Variants in CSNK1G1 observed in about 807,000 individuals in gnomAD.
CSNK1G1 encodes the protein casein kinase I isoform gamma-1.
CSNK1G1 carries 22 observed loss-of-function variants against 59.6 expected under a neutral mutation model. The observed-to-expected ratio is 0.37, with a 90% CI of 0.26 to 0.53. The LOEUF (loss-of-function observed/expected upper bound fraction) is 0.53, where lower values mean the gene tolerates loss of function less well. CSNK1G1 is among the 20% of genes least tolerant of loss of function. The probability of loss-of-function intolerance (pLI) is 0.89; values close to 1 mark genes in which losing one functional copy is unlikely to be tolerated. For synonymous variants in CSNK1G1, 179 were observed against 177.1 expected (o/e 1.01, Z -0.08); for missense variants, 384 against 519.5 (o/e 0.74, Z 2.54).
chr15:64,180,287 GAAGAGACAGAA>G, intron 11 of CSNK1G1, 50 bp downstream of exon 11: 1 of 1,185,910 alleles, frequency 8.4e-7, no homozygotes, highest in Non-Finnish European at 1.3e-6. Flanking sequence ...ACACAGAGAG[GAAGAGACAGAA>G]AAGATTTTTC....
At position 64,325,566 on chromosome 15, in the gene CSNK1G1, T is replaced by C. The variant is rs181995829; in HGVS notation, c.-224-24843A>G. On this transcript the variant is annotated intron_variant, in intron 1 of 11. Transcript: ENST00000303052. ...CAAATTTACTCAAATAGCAGAGAAGTAGATTCACAACTACTTTAAATAAAG... is the reference window on the plus strand; with the variant it reads ...CAAATTTACTCAAATAGCAGAGAAGCAGATTCACAACTACTTTAAATAAAG... Among the ~76,000 whole-genome samples, 300 of 152,304 alleles carry C rather than the reference T, an allele frequency of 2.0e-3. 1 individual carries two copies. Among genetic ancestry groups the C allele is most frequent in the African/African-American group, 7.0e-3 (290 of 41,556 alleles).
At chr15:64,172,253 G>A (rs1159409123) in intron 11 of CSNK1G1, among the ~76,000 whole-genome samples, 1 of 152,180 alleles carries the variant, frequency 6.6e-6, no homozygotes, top group East Asian at 1.9e-4. Context: ...GGCATTACTG[G>A]AAGGAGGGTG....
At chr15:64,294,912 CAAAAAAAAAAA>C (rs937758323) in intron 2 of CSNK1G1, among the ~76,000 whole-genome samples, 2 of 51,170 alleles carry the variant, frequency 3.9e-5, no homozygotes, top group South Asian at 7.5e-4. Flanking sequence ...AACTTCGTCT[CAAAAAAAAAAA>C]AAAAAAAAAA....
At chr15:64,202,943 T>C (rs1400447483) in intron 10 of CSNK1G1, 139 bp downstream of exon 10, 1 of 696,044 alleles carries the variant, frequency 1.4e-6, no homozygotes, top group Admixed American at 2.2e-5. Flanking sequence ...TTGAAAGTCA[T>C]ACCACACCTG....
intron 2 of CSNK1G1, among the ~76,000 whole-genome samples, chr15:64,294,446 A>G (rs1894905339): frequency 6.6e-6 from 1 of 152,210 alleles, no homozygotes; most frequent in African/African-American, 2.4e-5. Flanking sequence ...TGAGCTGTAG[A>G]AAATTAAACC....
chr15:64,224,875 T>C (rs911814881), intron 4 of CSNK1G1, among the ~76,000 whole-genome samples: 2 of 152,124 alleles, frequency 1.3e-5, no homozygotes, highest in African/African-American at 4.8e-5. Context: ...TACATACACA[T>C]AATTATGAAT....
rs553310203 is a variant in CSNK1G1 at position 64,166,129 on chromosome 15, C to T, written c.*5802G>A. Reference sequence around the variant, plus strand: ...AGAGGCATTTAACAATAATCAGACACATCCACACATTAAAACTGATTTCCA... The same window carrying T: ...AGAGGCATTTAACAATAATCAGACATATCCACACATTAAAACTGATTTCCA... On this transcript the variant is annotated 3_prime_UTR_variant, in exon 12 of 12. Coordinates refer to ENST00000303052, the MANE Select transcript of CSNK1G1 (RefSeq NM_022048.5). This position sits in a 1 kb window ranked among gnomAD's most constrained non-coding sequence, Gnocchi z 4.5. 9 of 562,324 alleles carry T rather than the reference C, an allele frequency of 1.6e-5. No homozygotes were observed. The Admixed American group carries it at 3.1e-4, about 19-fold the overall frequency. 34.8% of individuals were successfully genotyped at this position (562,324 alleles called of 1,614,324 possible).
intron 1 of CSNK1G1, among the ~76,000 whole-genome samples, chr15:64,351,420 G>T (rs1478725381): frequency 1.3e-5 from 2 of 152,142 alleles, no homozygotes; most frequent in African/African-American, 4.8e-5. Flanking sequence ...TAGATTTCCT[G>T]ACAAGCAAAT....
chr15:64,319,755 T>C (rs1464904806), intron 1 of CSNK1G1, among the ~76,000 whole-genome samples: 1 of 152,134 alleles, frequency 6.6e-6, no homozygotes, highest in African/African-American at 2.4e-5. Flanking sequence ...TTCACCGTGT[T>C]GCCCAGGCTG....
chr15:64,282,214 C>A (rs538337900), intron 2 of CSNK1G1, among the ~76,000 whole-genome samples: 7 of 152,202 alleles, frequency 4.6e-5, no homozygotes, highest in South Asian at 4.1e-4. Flanking sequence ...CCGGCATGAA[C>A]CATCATGCCC....
At position 64,304,347 on chromosome 15, in the gene CSNK1G1, A is replaced by AAC. The variant is rs1464294043; in HGVS notation, c.-224-3626_-224-3625dup. On this transcript the variant is annotated intron_variant, in intron 1 of 11. Transcript: ENST00000303052. ...GCAGTGGGCTGAGATCACGCCATTG[A>AAC]ACTCCAGCCTGGGCAACGAGAGCGA... 2.8e-5 allele frequency among the ~76,000 whole-genome samples: 4 copies of AAC among 143,808 alleles called. No homozygotes were observed. In the East Asian group the frequency reaches 8.3e-4, roughly 30 times the overall value. The allele number at this position is 143,808 out of a possible 152,430, so 94.3% of individuals were successfully genotyped here.
chr15:64,307,932 C>T (rs1208669631), intron 1 of CSNK1G1, among the ~76,000 whole-genome samples: 1 of 152,048 alleles, frequency 6.6e-6, no homozygotes, highest in Non-Finnish European at 1.5e-5. Context: ...ATGATCCACC[C>T]GCCTCAGCCT....
At chr15:64,265,642 A>T (rs1379179162) in intron 2 of CSNK1G1, 1 of 343,600 alleles carries the variant, frequency 2.9e-6, no homozygotes, top group African/African-American at 2.2e-5. Context: ...TACAGAAGAC[A>T]ATCCCATTTA....
At chr15:64,261,478 G>A (rs1275365852) in intron 2 of CSNK1G1, among the ~76,000 whole-genome samples, 1 of 152,106 alleles carries the variant, frequency 6.6e-6, no homozygotes, top group African/African-American at 2.4e-5. Context: ...GTGGGCACCT[G>A]TAATCCCAGC....
chr15:64,251,476 C>A, intron 4 of CSNK1G1, 36 bp downstream of exon 4: 1 of 1,489,428 alleles, frequency 6.7e-7, no homozygotes, highest in Non-Finnish European at 9.3e-7. Flanking sequence ...AGCTAAGATA[C>A]ATACTAAGTA....
At chr15:64,230,879 C>A (rs1200316034) in intron 4 of CSNK1G1, among the ~76,000 whole-genome samples, 1 of 152,064 alleles carries the variant, frequency 6.6e-6, no homozygotes, top group Admixed American at 6.6e-5. Flanking sequence ...GAGGCTGAGG[C>A]AGGAGAATGG....
At chr15:64,224,398 AT>A (rs1282151280) in intron 4 of CSNK1G1, among the ~76,000 whole-genome samples, 8 of 152,290 alleles carry the variant, frequency 5.3e-5, no homozygotes, top group South Asian at 4.1e-4. Flanking sequence ...GATAAATGAG[AT>A]GTTATTCCAT....
chr15:64,237,856 C>A, intron 4 of CSNK1G1, among the ~76,000 whole-genome samples: 1 of 152,136 alleles, frequency 6.6e-6, no homozygotes, highest in Non-Finnish European at 1.5e-5. Flanking sequence ...TCCCTCCAAG[C>A]GACTTCGAAA....
chr15:64,210,126 A>G lies in CSNK1G1; in HGVS notation c.680-2532T>C, dbSNP rs923065573. On this transcript the variant is annotated intron_variant, in intron 6 of 11. Transcript: ENST00000303052. The surrounding 1 kb of genome is among the most constrained non-coding windows in gnomAD (Gnocchi z 4.2). ...CTAAATCAGGAAGGGTACCTAAATA[A>G]GGTACCCAAAATAAGGGTACCTAAA... 6.6e-6 allele frequency among the ~76,000 whole-genome samples: 1 copy of G among 152,144 alleles called. No individual in the cohort carries two copies. Among genetic ancestry groups the G allele is most frequent in the Non-Finnish European group, 1.5e-5 (1 of 68,018 alleles).
Sources: allele counts gnomAD v4.1 joint callset (sites outside exome capture counted in the v4.1 genomes callset), GRCh38; gene constraint gnomAD v4.1.1; non-coding constraint Gnocchi (gnomAD v3.1); transcripts MANE v1.5; gene names NCBI Gene and HGNC (gene_info 2026-07-23, HGNC 2026-07-21).